FMNL3: variants seen among roughly 807,000 people sequenced by gnomAD.
FMNL3 encodes formin like 3, also known as formin-like protein 3.
In FMNL3, 57 loss-of-function variants were observed where a neutral mutation model predicts 119.6. That is an observed-to-expected ratio of 0.48 (90% CI 0.39 to 0.59). The LOEUF (loss-of-function observed/expected upper bound fraction) is 0.59. Among genes scored for constraint, FMNL3 ranks in the 20% least tolerant of loss-of-function variants. The probability of loss-of-function intolerance (pLI) is 0.00; values close to 1 mark genes in which losing one functional copy is unlikely to be tolerated. For synonymous variants in FMNL3, 491 were observed against 507.3 expected (o/e 0.97, Z 0.43); for missense variants, 1,053 against 1,323.5 (o/e 0.80, Z 3.17).
Position 49,637,774 on chromosome 12 carries a change from T to G in FMNL3, c.*8041A>C. ...CTTATTCAAGTTCTATGTGGAGGAG[T>G]TGAAGGCACGATTCCATGATGAAAA... On this transcript the variant is annotated 3_prime_UTR_variant, in exon 26 of 26. Coordinates refer to ENST00000335154, the MANE Select transcript of FMNL3 (RefSeq NM_175736.5). 6.2e-7 allele frequency: 1 copy of G among 1,603,172 alleles called. No individual in the cohort carries two copies.
chr12:49,702,996 A>G (rs559152984), intron 1 of FMNL3, among the ~76,000 whole-genome samples: 1 of 152,198 alleles, frequency 6.6e-6, no homozygotes, highest in Non-Finnish European at 1.5e-5. Flanking sequence ...CACTTACAGA[A>G]AAACCCCCAA....
In FMNL3 at chr12:49,637,605, C is replaced by T. The variant is rs757427271; in HGVS notation, c.*8210G>A. On this transcript the variant is annotated 3_prime_UTR_variant, in exon 26 of 26. Transcript: ENST00000335154. ...GCCGGGTAAGGCAGCCAGGCTCCCC[C>T]TTCTCTGGCCTGGCTTCCTGCCCTG... The T allele has an allele frequency of 6.2e-7, 1 of 1,605,006 alleles. No individual in the cohort carries two copies. The highest frequency in any genetic ancestry group is 8.5e-7 in the Non-Finnish European group (1 of 1,172,968).
chr12:49,653,918 G>C (rs1417387755), intron 11 of FMNL3, 44 bp from the exon 12 acceptor site: 1 of 1,603,720 alleles, frequency 6.2e-7, no homozygotes, highest in Non-Finnish European at 8.5e-7. Context: ...GGAGCAGGCA[G>C]ATCATCAGGG....
rs997933166 is a variant in FMNL3, at chr12:49,641,564, G to A, written c.*4251C>T. The stretch of plus-strand genomic sequence containing the variant: ...GTAGGGGCCAGCAAATGTTGATTGA[G>A]AATGCATGGAAGCACTGCTGAGCAG... On this transcript the variant is annotated 3_prime_UTR_variant, in exon 26 of 26. Coordinates refer to ENST00000335154, the MANE Select transcript of FMNL3 (RefSeq NM_175736.5). 2 of 292,942 alleles carry A rather than the reference G, an allele frequency of 6.8e-6. No individual in the cohort carries two copies. The highest frequency in any genetic ancestry group is 2.1e-5 in the African/African-American group (1 of 46,594). The allele number at this position is 292,942 out of a possible 1,614,324, so 18.1% of individuals were successfully genotyped here. A position where few individuals can be genotyped will look rare whatever the true frequency, so the allele number is the denominator to read the frequency against.
intron 2 of FMNL3, 60 bp from the exon 3 acceptor site, chr12:49,666,267 C>A: frequency 6.8e-7 from 1 of 1,467,420 alleles, no homozygotes; most frequent in Non-Finnish European, 9.4e-7. Flanking sequence ...GAGGAGGGCA[C>A]TGAGGAAGAA....
At chr12:49,666,775 C>G (rs958809531) in intron 2 of FMNL3, among the ~76,000 whole-genome samples, 1 of 151,610 alleles carries the variant, frequency 6.6e-6, no homozygotes, top group Non-Finnish European at 1.5e-5. Flanking sequence ...CCAGCCTGGG[C>G]AACAGAGTGT....
chr12:49,654,085 G>A, intron 11 of FMNL3, 107 bp downstream of exon 11: 1 of 1,204,936 alleles, frequency 8.3e-7, no homozygotes, highest in Non-Finnish European at 1.2e-6. Context: ...AGACAGGCAG[G>A]GTCCCAGGAG....
In FMNL3 at chr12:49,642,601, G is replaced by A. The variant is rs757142322; in HGVS notation, c.*3214C>T. 1 of 1,614,192 alleles carries A rather than the reference G, an allele frequency of 6.2e-7. No individual in the cohort carries two copies. Among genetic ancestry groups the A allele is most frequent in the South Asian group, 1.1e-5 (1 of 91,062 alleles). On this transcript the variant is annotated 3_prime_UTR_variant, in exon 26 of 26. Coordinates refer to ENST00000335154, the MANE Select transcript of FMNL3 (RefSeq NM_175736.5). The surrounding 1 kb of genome is among the most constrained non-coding windows in gnomAD (Gnocchi z 5.8). Reference sequence around the variant, plus strand: ...CAAGGTCCGTGAGCGTTTTGTGTGTGACTCAGCCTTTGAGCAGATCACCCT... The same window carrying A: ...CAAGGTCCGTGAGCGTTTTGTGTGTAACTCAGCCTTTGAGCAGATCACCCT...
At position 49,647,409 on chromosome 12, in the gene FMNL3, T is replaced by G; in HGVS notation, c.2779-41A>C. ...GATGGGGGGTGGGGAGTGAGGCTCA[T>G]AGGCTGTGAGGGGAGGGGCTGACAC... is the stretch of plus-strand genomic sequence containing the variant. On this transcript the variant is annotated intron_variant, in intron 23 of 25. Transcript: ENST00000335154. This position sits in a 1 kb window ranked among gnomAD's most constrained non-coding sequence, Gnocchi z 4.9. 6.3e-7 allele frequency: 1 copy of G among 1,587,746 alleles called. No homozygotes were observed. The highest frequency in any genetic ancestry group is 8.6e-7 in the Non-Finnish European group (1 of 1,163,054).
chr12:49,641,736 A>G lies in FMNL3; in HGVS notation c.*4079T>C. On this transcript the variant is annotated 3_prime_UTR_variant, in exon 26 of 26. Coordinates refer to ENST00000335154, the MANE Select transcript of FMNL3 (RefSeq NM_175736.5). The stretch of plus-strand genomic sequence containing the variant: ...AAACCAAGGGTAGGCATGGGGGCTT[A>G]ATTGTCAAGTGATGAGGACTTGGAT... The G allele has an allele frequency of 1.7e-6, 1 of 600,674 alleles. No individual in the cohort carries two copies. Among genetic ancestry groups the G allele is most frequent in the South Asian group, 2.1e-5 (1 of 48,554 alleles). 37.2% of individuals were successfully genotyped at this position (600,674 alleles called of 1,614,324 possible). A position where few individuals can be genotyped will look rare whatever the true frequency, so the allele number is the denominator to read the frequency against.
intron 1 of FMNL3, among the ~76,000 whole-genome samples, chr12:49,694,757 CA>C (rs1944706746): frequency 2.0e-5 from 3 of 151,742 alleles, no homozygotes; most frequent in Admixed American, 2.0e-4. Flanking sequence ...TAAAAACTAC[CA>C]AAAATTAGCC....
In FMNL3 at chr12:49,649,462, C is replaced by G. The variant is rs199624792; in HGVS notation, c.2304+8G>C. 2.2e-3 allele frequency: 3,481 copies of G among 1,614,110 alleles called. 10 individuals carry two copies. Among genetic ancestry groups the G allele is most frequent in the South Asian group, 8.6e-3 (782 of 91,092 alleles). ...CCCCCAGCACCCCTGTTCACAACCTCTTCCCACCTCCAACATCTGCTTCAG... is the reference window on the plus strand; with the variant it reads ...CCCCCAGCACCCCTGTTCACAACCTGTTCCCACCTCCAACATCTGCTTCAG... On this transcript the variant is annotated splice_region_variant and intron_variant, in intron 19 of 25. Coordinates refer to ENST00000335154, the MANE Select transcript of FMNL3 (RefSeq NM_175736.5). This position sits in a 1 kb window ranked among gnomAD's most constrained non-coding sequence, Gnocchi z 5.6.
At position 49,657,066 on chromosome 12, in the gene FMNL3, A is replaced by G; in HGVS notation, c.714+16T>C. The G allele has an allele frequency of 5.6e-6, 9 of 1,606,958 alleles. No individual in the cohort carries two copies. The highest frequency in any genetic ancestry group is 7.7e-6 in the Non-Finnish European group (9 of 1,173,486). On this transcript the variant is annotated intron_variant, in intron 7 of 25. Transcript: ENST00000335154. ...CAGAAGAAGTAGAGCACCTATGGCT[A>G]GTGCTTCCCCCTTACCTGATAGTTC... is the stretch of plus-strand genomic sequence containing the variant.
At chr12:49,681,561 CT>C (rs1321658367) in intron 1 of FMNL3, among the ~76,000 whole-genome samples, 1 of 151,790 alleles carries the variant, frequency 6.6e-6, no homozygotes, top group African/African-American at 2.4e-5. Flanking sequence ...AATCCTGTTA[CT>C]TTTCACGAGA....
In FMNL3 at chr12:49,636,737, T is replaced by C. The variant is rs1438652132; in HGVS notation, c.*9078A>G. ...TTAGACATGGACAAGGAAGATGCAC[T>C]GATCTGTTTTGAGGAGCACATCCGA... is the stretch of plus-strand genomic sequence containing the variant. On this transcript the variant is annotated 3_prime_UTR_variant, in exon 26 of 26. Coordinates refer to ENST00000335154, the MANE Select transcript of FMNL3 (RefSeq NM_175736.5). The C allele has an allele frequency of 1.9e-6, 3 of 1,614,200 alleles. No individual in the cohort carries two copies. Among genetic ancestry groups the C allele is most frequent in the Non-Finnish European group, 2.5e-6 (3 of 1,180,038 alleles).
rs1943397290 is a variant in FMNL3, at chr12:49,651,431, T to G, written c.1623A>C (p.Pro541=). 1 of 1,486,782 alleles carries G rather than the reference T, an allele frequency of 6.7e-7. No homozygotes were observed. 92.1% of individuals were successfully genotyped at this position (1,486,782 alleles called of 1,614,324 possible). A position where few individuals can be genotyped will look rare whatever the true frequency, so the allele number is the denominator to read the frequency against. ...PPLPDKCPPA[P]PLPGAAPSVV... ...CAGAGGGTGCAGCACCAGGGAGAGG[T>G]GGGGCTGGGGGACACTTGTCTGGGG... The change falls in exon 15 of 26, where the codon CCA becomes CCC. Residue 541 remains proline (P), a synonymous_variant. Coordinates refer to ENST00000335154, the MANE Select transcript of FMNL3 (RefSeq NM_175736.5).
chr12:49,673,111 TC>T (rs1944089612), intron 1 of FMNL3, among the ~76,000 whole-genome samples: 1 of 152,138 alleles, frequency 6.6e-6, no homozygotes. Flanking sequence ...GGCTGTCTTC[TC>T]CCAAGTGTGG....
At chr12:49,666,323 T>C in intron 2 of FMNL3, 116 bp from the exon 3 acceptor site, 1 of 863,850 alleles carries the variant, frequency 1.2e-6, no homozygotes, top group Middle Eastern at 2.8e-4. Flanking sequence ...CCTCTCCAAG[T>C]TGTCACCTGG....
rs1378078080 is a variant in FMNL3 at position 49,638,181 on chromosome 12, T to G, written c.*7634A>C. On this transcript the variant is annotated 3_prime_UTR_variant, in exon 26 of 26. Transcript: ENST00000335154. ...CAAAGGCAAGGGGGTGGAAAGGGCA[T>G]GCCAGGTCTGAGGAGGAAGAAGCAT... The G allele has an allele frequency of 4.7e-6, 1 of 212,074 alleles. No individual in the cohort carries two copies. The highest frequency in any genetic ancestry group is 1.2e-4 in the East Asian group (1 of 8,546). 13.1% of individuals were successfully genotyped at this position (212,074 alleles called of 1,614,324 possible).
Sources: gnomAD v4.1 joint callset for allele counts (sites outside exome capture counted in the v4.1 genomes callset) on GRCh38, gnomAD v4.1.1 for gene constraint, Gnocchi (gnomAD v3.1) non-coding constraint, MANE v1.5 for transcripts, NCBI Gene and HGNC (gene_info 2026-07-23, HGNC 2026-07-21) for gene names.